H3C6: variants seen among roughly 807,000 people sequenced by gnomAD.
The protein encoded by H3C6 is H3 clustered histone 6, also known as histone H3.1.
Under a neutral mutation model 8.0 loss-of-function variants are expected in H3C6, and 17 were observed. That is an observed-to-expected ratio of 2.13 (90% CI 1.46 to 3.19). The LOEUF (loss-of-function observed/expected upper bound fraction) is 3.19. Among genes scored for constraint, H3C6 ranks in the 30% most tolerant of loss-of-function variants. The pLI is 0.00. For synonymous variants in H3C6, 169 were observed against 78.0 expected, an observed-to-expected ratio of 2.17 and a Z score of -6.15; for missense variants, 298 against 193.8, an observed-to-expected ratio of 1.54 and a Z score of -3.19.
At chr6:26,225,691 T>G, downstream of H3C6, 1 of 1,176,082 alleles carries the variant, frequency 8.5e-7, no homozygotes. Flanking sequence ...AATAGACATT[T>G]GAAATAGTGG....
In H3C6 at chr6:26,225,591, C is replaced by G. The variant is rs546277720; in HGVS notation, c.*26C>G. Reference sequence around the variant, plus strand: ...ATTGTTTTGAGTACAAACCTTAAATCCAAAGGCTCTTCTCAGAGCCAACCA... The same window carrying G: ...ATTGTTTTGAGTACAAACCTTAAATGCAAAGGCTCTTCTCAGAGCCAACCA... On this transcript the variant is annotated 3_prime_UTR_variant, in exon 1 of 1. Coordinates refer to ENST00000614911, the MANE Select transcript of H3C6 (RefSeq NM_003532.3). 2 of 1,596,864 alleles carry G rather than the reference C, an allele frequency of 1.3e-6. No homozygotes were observed. The highest frequency in any genetic ancestry group is 1.7e-6 in the Non-Finnish European group (2 of 1,171,632).
Position 26,225,442 on chromosome 6 carries a change from C to T in H3C6, c.288C>T (p.Ala96=), listed in dbSNP as rs936536972. 16 of 1,614,112 alleles carry T rather than the reference C, an allele frequency of 9.9e-6. No homozygotes were observed. Among genetic ancestry groups the T allele is most frequent in the African/African-American group, 4.0e-5 (3 of 74,956 alleles). ...CCGCGGTGATGGCGCTGCAGGAGGC[C>T]TGCGAGGCCTACTTGGTGGGGCTTT... ...QSSAVMALQE[A]CEAYLVGLFE... The change falls in exon 1 of 1, where the codon GCC becomes GCT. Residue 96 remains alanine, a synonymous_variant. Coordinates refer to ENST00000614911, the MANE Select transcript of H3C6 (RefSeq NM_003532.3).
In H3C6 at chr6:26,225,343, C is replaced by A. The variant is rs753636846; in HGVS notation, c.189C>A (p.Ile63=). The A allele has an allele frequency of 6.2e-7, 1 of 1,614,254 alleles. No individual in the cohort carries two copies. The highest frequency in any genetic ancestry group is 8.5e-7 in the Non-Finnish European group (1 of 1,180,034). The stretch of plus-strand genomic sequence containing the variant: ...ACCAGAAGTCTACCGAGCTTCTAAT[C>A]CGGAAGCTGCCGTTTCAGCGCCTGG... ...RRYQKSTELL[I]RKLPFQRLVR... The change falls in exon 1 of 1, where the codon ATC becomes ATA. Residue 63 remains isoleucine, a synonymous_variant. Coordinates refer to ENST00000614911, the MANE Select transcript of H3C6 (RefSeq NM_003532.3).
chr6:26,227,155 T>G (rs1240967608), downstream of H3C6: 1 of 152,232 alleles, frequency 6.6e-6, no homozygotes, highest in Admixed American at 6.5e-5. Context: ...ACAGCCTAAC[T>G]ATCCATAATT....
Position 26,225,313 on chromosome 6 carries a change from T to C in H3C6, c.159T>C (p.Arg53=). ...GCACCGTGGCTCTGCGCGAGATCCGTCGCTACCAGAAGTCTACCGAGCTTC... is the reference window on the plus strand; with the variant it reads ...GCACCGTGGCTCTGCGCGAGATCCGCCGCTACCAGAAGTCTACCGAGCTTC... The part of the protein sequence containing the change: ...RPGTVALREI[R]RYQKSTELLI... The change falls in exon 1 of 1, where the codon CGT becomes CGC. Residue 53 remains arginine (R), a synonymous_variant. Transcript: ENST00000614911. 5.6e-6 allele frequency: 9 copies of C among 1,614,224 alleles called. No homozygotes were observed. The highest frequency in any genetic ancestry group is 5.9e-6 in the Non-Finnish European group (7 of 1,180,032).
downstream of H3C6, chr6:26,227,054 T>A (rs537623747): frequency 4.5e-4 from 68 of 152,324 alleles, no homozygotes; most frequent in South Asian, 1.0e-3. Context: ...TAAGAAGTCC[T>A]GGAGATTTAT....
downstream of H3C6, chr6:26,225,770 C>T (rs1759532477): frequency 5.0e-6 from 3 of 597,002 alleles, no homozygotes; most frequent in Non-Finnish European, 5.6e-6. Context: ...TCGCCTAGGG[C>T]TGGGCCTCCC....
downstream of H3C6, chr6:26,225,752 T>TAGG: frequency 1.3e-6 from 1 of 751,072 alleles, no homozygotes; most frequent in Non-Finnish European, 2.0e-6. Context: ...AAGCGCTCCC[T>TAGG]CAGGTTTTCG....
At chr6:26,225,678 C>A, downstream of H3C6, 2 of 1,238,288 alleles carry the variant, frequency 1.6e-6, no homozygotes, top group Non-Finnish European at 1.1e-6. Context: ...CTGCACTGAT[C>A]CAAATAGACA....
At chr6:26,226,357 TTTTCTTATTTA>T (rs1301857492), downstream of H3C6, 2 of 142,518 alleles carry the variant, frequency 1.4e-5, no homozygotes, top group East Asian at 2.1e-4. Flanking sequence ...TGCTTTTTTC[TTTTCTTATTTA>T]TTTATTTATT....
upstream of H3C6, among the ~76,000 whole-genome samples, chr6:26,224,622 C>CA (rs1298405290): frequency 1.3e-5 from 2 of 152,068 alleles, no homozygotes; most frequent in Non-Finnish European, 2.9e-5. Context: ...AAATGAAACA[C>CA]AAAGTTCCTT....
At chr6:26,225,749 C>T (rs902432240), downstream of H3C6, 4 of 767,020 alleles carry the variant, frequency 5.2e-6, no homozygotes, top group Non-Finnish European at 8.0e-6. Flanking sequence ...TTTAAGCGCT[C>T]CCTCAGGTTT....
In H3C6 at chr6:26,225,490, T is replaced by G; in HGVS notation, c.336T>G (p.Ala112=). Residue 112 remains alanine, a synonymous_variant, in exon 1 of 1, where the codon GCT becomes GCG. Coordinates refer to ENST00000614911, the MANE Select transcript of H3C6 (RefSeq NM_003532.3). ...TTTTCGAGGACACCAACCTGTGCGCTATTCATGCCAAACGCGTGACCATCA... is the reference window on the plus strand; with the variant it reads ...TTTTCGAGGACACCAACCTGTGCGCGATTCATGCCAAACGCGTGACCATCA... ...VGLFEDTNLC[A]IHAKRVTIMP... is the part of the protein sequence containing the mutation. 1.9e-6 allele frequency: 3 copies of G among 1,614,234 alleles called. No homozygotes were observed. The highest frequency in any genetic ancestry group is 2.5e-6 in the Non-Finnish European group (3 of 1,180,024).
chr6:26,227,247 T>C (rs940620455), downstream of H3C6: 1 of 152,228 alleles, frequency 6.6e-6, no homozygotes, highest in Non-Finnish European at 1.5e-5. Flanking sequence ...GAATGTTGTT[T>C]CCTGTATCCT....
chr6:26,225,187 C>T lies in H3C6; in HGVS notation c.33C>T (p.Ser11=), dbSNP rs3823156. The change falls in exon 1 of 1, where the codon TCC becomes TCT. Residue 11 remains serine, a synonymous_variant. Transcript: ENST00000614911. MARTKQTARK[S]TGGKAPRKQL... is the part of the protein sequence containing the mutation. ...GTACTAAGCAGACGGCTCGTAAATC[C>T]ACAGGCGGTAAAGCACCGCGCAAAC... 1.9e-4 allele frequency: 298 copies of T among 1,584,032 alleles called. 5 individuals are homozygous for T. The East Asian group carries it at 6.1e-3, about 33-fold the overall frequency.
downstream of H3C6, chr6:26,225,765 T>A: frequency 1.6e-6 from 1 of 643,274 alleles, no homozygotes; most frequent in Non-Finnish European, 2.5e-6. Context: ...GGTTTTCGCC[T>A]AGGGCTGGGC....
chr6:26,224,990 G>C (rs1044880906), upstream of H3C6: 4 of 719,770 alleles, frequency 5.6e-6, no homozygotes, highest in Admixed American at 3.1e-5. Flanking sequence ...TTACCAATCA[G>C]AATCTTGCAC....
At position 26,225,303 on chromosome 6, in the gene H3C6, G is replaced by T; in HGVS notation, c.149G>T (p.Arg50Leu). The change falls in exon 1 of 1, where the codon CGC becomes CTC. Residue 50 changes from arginine (R) to leucine (L), a missense_variant. Transcript: ENST00000614911. ...TACCGCCCTGGCACCGTGGCTCTGC[G>T]CGAGATCCGTCGCTACCAGAAGTCT... ...HRYRPGTVALREIRRYQKSTE... is the reference protein window; with the variant it reads ...HRYRPGTVALLEIRRYQKSTE... The T allele has an allele frequency of 1.9e-6, 3 of 1,614,226 alleles. No homozygotes were observed. Among genetic ancestry groups the T allele is most frequent in the Non-Finnish European group, 2.5e-6 (3 of 1,180,028 alleles).
chr6:26,225,726 T>A, downstream of H3C6: 1 of 943,566 alleles, frequency 1.1e-6, no homozygotes, highest in South Asian at 1.9e-5. Context: ...GATGCTTCAT[T>A]TAAATTTCCA....
Sources: gnomAD v4.1 joint callset for allele counts (sites outside exome capture counted in the v4.1 genomes callset) on GRCh38, gnomAD v4.1.1 for gene constraint, MANE v1.5 for transcripts, NCBI Gene and HGNC (gene_info 2026-07-23, HGNC 2026-07-21) for gene names.